GALNT18: variants seen among roughly 807,000 people sequenced by gnomAD.
GALNT18 encodes the protein GalNAc-transferase 18.
GALNT18 carries 44 observed loss-of-function variants against 69.5 expected under a neutral mutation model. The ratio of observed to expected loss-of-function variants is 0.63; its 90% CI spans 0.50 to 0.81. The LOEUF is 0.81. Among genes scored for constraint, GALNT18 ranks in the 40% least tolerant of loss-of-function variants. GALNT18 has a pLI of 0.00. For missense variants in GALNT18, 715 were observed against 810.0 expected (o/e 0.88, Z 1.42); for synonymous variants, 364 against 318.2 (o/e 1.14, Z -1.53).
Position 11,332,730 on chromosome 11 carries a change from C to G in GALNT18, c.1380G>C (p.Glu460Asp). 6.2e-7 allele frequency: 1 copy of G among 1,614,178 alleles called. No individual in the cohort carries two copies. The highest frequency in any genetic ancestry group is 8.5e-7 in the Non-Finnish European group (1 of 1,180,026). The change falls in exon 8 of 11, where the codon GAG (glutamate) becomes GAC (aspartate). Residue 460 changes from glutamate to aspartate, a missense_variant. Glu to Asp is a conservative substitution (Grantham distance 45). Transcript: ENST00000227756. The surrounding 1 kb of genome is among the most constrained non-coding windows in gnomAD (Gnocchi z 4.3). ...FRWYLVSVYP[E>D]MRMYSDIIAY... ...CAATGATGTCGGAGTACATCCTCAT[C>G]TCTGGGTACACGCTGACCAGGTACC...
intron 1 of GALNT18, among the ~76,000 whole-genome samples, chr11:11,482,952 C>A (rs1856565436): frequency 6.6e-6 from 1 of 152,198 alleles, no homozygotes; most frequent in Non-Finnish European, 1.5e-5. Flanking sequence ...CCAGCCCAGA[C>A]CTACCTCATC....
chr11:11,530,396 C>A (rs1395080715), intron 1 of GALNT18, among the ~76,000 whole-genome samples: 2 of 152,208 alleles, frequency 1.3e-5, no homozygotes, highest in Non-Finnish European at 2.9e-5. Flanking sequence ...GTGCTGTCAG[C>A]AGTCATTAGG....
Position 11,497,810 on chromosome 11 carries a change from A to C in GALNT18, c.236-48874T>G, listed in dbSNP as rs1856897616. ...CACACAAACCATAAACACTATTTCAACTTAAAATATTTCATGCTAATATTT... is the reference window on the plus strand; with the variant it reads ...CACACAAACCATAAACACTATTTCACCTTAAAATATTTCATGCTAATATTT... On this transcript the variant is annotated intron_variant, in intron 1 of 10. Coordinates refer to ENST00000227756, the MANE Select transcript of GALNT18 (RefSeq NM_198516.3). The surrounding 1 kb of genome is among the most constrained non-coding windows in gnomAD (Gnocchi z 4.2). Among the ~76,000 whole-genome samples the C allele has an allele frequency of 6.6e-6, 1 of 151,808 alleles. No individual in the cohort carries two copies. Among genetic ancestry groups the C allele is most frequent in the South Asian group, 2.1e-4 (1 of 4,818 alleles).
intron 3 of GALNT18, among the ~76,000 whole-genome samples, chr11:11,423,224 A>G (rs901544): frequency 0.072 from 10,959 of 152,326 alleles, 446 homozygotes; most frequent in Non-Finnish European, 0.088. Flanking sequence ...ACACATGGAT[A>G]TGCATGCAAG....
Position 11,562,865 on chromosome 11 carries a change from C to G in GALNT18, c.235+58494G>C, listed in dbSNP as rs984675532. Among the ~76,000 whole-genome samples, 1 of 152,148 alleles carries G rather than the reference C, an allele frequency of 6.6e-6. No individual in the cohort carries two copies. The highest frequency in any genetic ancestry group is 1.5e-5 in the Non-Finnish European group (1 of 68,026). ...AAAAAAGACTTGAACTGGGGTCTGC[C>G]TAGCTCGAGGCCTGGGCTTTCCCTT... On this transcript the variant is annotated intron_variant, in intron 1 of 10. Coordinates refer to ENST00000227756, the MANE Select transcript of GALNT18 (RefSeq NM_198516.3). This position sits in a 1 kb window ranked among gnomAD's most constrained non-coding sequence, Gnocchi z 4.1.
At chr11:11,319,140 G>A (rs1040362624) in intron 9 of GALNT18, among the ~76,000 whole-genome samples, 5 of 150,354 alleles carry the variant, frequency 3.3e-5, no homozygotes, top group African/African-American at 1.2e-4. Context: ...TTCCTCAAAT[G>A]CACTCAGTAC....
intron 1 of GALNT18, among the ~76,000 whole-genome samples, chr11:11,524,861 T>A (rs1857483487): frequency 6.6e-6 from 1 of 152,218 alleles, no homozygotes; most frequent in African/African-American, 2.4e-5. Context: ...TTTGTCTGTG[T>A]CATTCTTGAA....
intron 1 of GALNT18, among the ~76,000 whole-genome samples, chr11:11,612,769 A>C (rs1169915057): frequency 6.6e-6 from 1 of 152,238 alleles, no homozygotes; most frequent in Non-Finnish European, 1.5e-5. Flanking sequence ...ATTCACGCTA[A>C]AGAACTGGCC....
At position 11,586,956 on chromosome 11, in the gene GALNT18, C is replaced by T. The variant is rs191869439; in HGVS notation, c.235+34403G>A. On this transcript the variant is annotated intron_variant, in intron 1 of 10. Transcript: ENST00000227756. The surrounding 1 kb of genome is among the most constrained non-coding windows in gnomAD (Gnocchi z 4.1). Reference sequence around the variant, plus strand: ...TGAGCCGAGATCGTGTCAAAGCACTCCAGCCTGGGGAACAAGAGTGAAACC... The same window carrying T: ...TGAGCCGAGATCGTGTCAAAGCACTTCAGCCTGGGGAACAAGAGTGAAACC... Among the ~76,000 whole-genome samples, 45 of 152,142 alleles carry T rather than the reference C, an allele frequency of 3.0e-4. No homozygotes were observed. The highest frequency in any genetic ancestry group is 1.1e-3 in the African/African-American group (44 of 41,476).
intron 3 of GALNT18, among the ~76,000 whole-genome samples, chr11:11,419,973 C>G (rs1183040304): frequency 6.6e-6 from 1 of 152,102 alleles, no homozygotes; most frequent in African/African-American, 2.4e-5. Flanking sequence ...GCCTGGTACT[C>G]AATTTGTTAA....
At chr11:11,467,505 A>G (rs1856177997) in intron 1 of GALNT18, among the ~76,000 whole-genome samples, 1 of 152,226 alleles carries the variant, frequency 6.6e-6, no homozygotes, top group African/African-American at 2.4e-5. Flanking sequence ...ATTTAAAGGG[A>G]ACCACTCTGT....
chr11:11,385,583 C>A (rs906120171), intron 3 of GALNT18, among the ~76,000 whole-genome samples: 4 of 152,170 alleles, frequency 2.6e-5, no homozygotes, highest in East Asian at 1.9e-4. Flanking sequence ...GTGTGAGCCA[C>A]CATGCCCGGC....
At chr11:11,403,402 A>G (rs1489772555) in intron 3 of GALNT18, among the ~76,000 whole-genome samples, 2 of 152,144 alleles carry the variant, frequency 1.3e-5, no homozygotes, top group Non-Finnish European at 2.9e-5. Context: ...ACATCCACCC[A>G]CTGGTTCCAA....
intron 10 of GALNT18, among the ~76,000 whole-genome samples, chr11:11,282,164 T>C (rs1046322529): frequency 6.6e-6 from 1 of 152,094 alleles, no homozygotes; most frequent in South Asian, 2.1e-4. Flanking sequence ...TCAGCCTCTT[T>C]CACTGAACAG....
At chr11:11,427,373 C>T (rs1855156878) in intron 3 of GALNT18, among the ~76,000 whole-genome samples, 1 of 152,256 alleles carries the variant, frequency 6.6e-6, no homozygotes, top group Admixed American at 6.5e-5. Context: ...GAAGCACAGG[C>T]CTGACCCAAA....
chr11:11,286,815 A>G (rs1210178927), intron 10 of GALNT18, among the ~76,000 whole-genome samples: 1 of 152,100 alleles, frequency 6.6e-6, no homozygotes, highest in Non-Finnish European at 1.5e-5. Context: ...TGTGATTAAG[A>G]GTGTCATTCT....
chr11:11,388,892 T>C (rs1388742593), intron 3 of GALNT18, among the ~76,000 whole-genome samples: 3 of 152,232 alleles, frequency 2.0e-5, no homozygotes, highest in African/African-American at 7.2e-5. Context: ...ATTTATCAGG[T>C]GCTGGGGACT....
At chr11:11,464,424 C>T (rs142308352) in intron 1 of GALNT18, among the ~76,000 whole-genome samples, 5 of 152,248 alleles carry the variant, frequency 3.3e-5, no homozygotes, top group African/African-American at 7.2e-5. Context: ...AGAGATGGCA[C>T]CCTGATGCAC....
chr11:11,539,513 G>A (rs144812210), intron 1 of GALNT18, among the ~76,000 whole-genome samples: 113 of 152,246 alleles, frequency 7.4e-4, no homozygotes, highest in African/African-American at 2.6e-3. Context: ...GGCAACTATA[G>A]ACACGAGCCA....
Sources: gnomAD v4.1 joint callset for allele counts (sites outside exome capture counted in the v4.1 genomes callset) on GRCh38, gnomAD v4.1.1 for gene constraint, Gnocchi (gnomAD v3.1) non-coding constraint, MANE v1.5 for transcripts, NCBI Gene and HGNC (gene_info 2026-07-23, HGNC 2026-07-21) for gene names.